The following DCTN4 variants were observed in gnomAD, a reference collection of about 807,000 sequenced individuals.
The protein encoded by DCTN4 is dynactin subunit 4.
In DCTN4, 23 loss-of-function variants were observed where a neutral mutation model predicts 62.7. The observed-to-expected ratio is 0.37, with a 90% CI of 0.26 to 0.52. The LOEUF (loss-of-function observed/expected upper bound fraction) is 0.52. Among genes scored for constraint, DCTN4 ranks in the 20% least tolerant of loss-of-function variants. DCTN4 has a pLI of 0.92. For synonymous variants in DCTN4, 199 were observed against 202.1 expected (o/e 0.98, Z 0.13); for missense variants, 514 against 580.4 (o/e 0.89, Z 1.18).
chr5:150,756,240 G>A (rs898238652), intron 2 of DCTN4, among the ~76,000 whole-genome samples, 177 bp downstream of exon 2: 13 of 151,750 alleles, frequency 8.6e-5, no homozygotes, highest in Admixed American at 3.3e-4. Flanking sequence ...ATGGGGTTTC[G>A]CCATGTTAGC....
chr5:150,716,512 T>C (rs953554112), intron 11 of DCTN4, among the ~76,000 whole-genome samples: 1 of 152,166 alleles, frequency 6.6e-6, no homozygotes, highest in Non-Finnish European at 1.5e-5. Flanking sequence ...TTTCTAATTA[T>C]AGATACAAAT....
intron 1 of DCTN4, chr5:150,758,278 C>G: frequency 1.0e-6 from 1 of 985,636 alleles, no homozygotes; most frequent in Non-Finnish European, 1.2e-6. Context: ...TGTCCTCTAG[C>G]TCCATAAATA....
intron 11 of DCTN4, among the ~76,000 whole-genome samples, chr5:150,718,015 GA>G (rs1378976514): frequency 1.4e-4 from 21 of 152,208 alleles, no homozygotes; most frequent in Non-Finnish European, 1.5e-5. Flanking sequence ...CAAGAGAGAA[GA>G]AATGGGTTGA....
At position 150,758,994 on chromosome 5, in the gene DCTN4, C is replaced by A; in HGVS notation, c.-1G>T. The A allele has an allele frequency of 6.2e-7, 1 of 1,613,744 alleles. No homozygotes were observed. Among genetic ancestry groups the A allele is most frequent in the Non-Finnish European group, 8.5e-7 (1 of 1,179,706 alleles). On this transcript the variant is annotated 5_prime_UTR_variant, in exon 1 of 13. Transcript: ENST00000447998. ...GGTCCGACTGCAGCAAGGACGCCAT[C>A]TTGGGGAGGGAGGAGGCGATGACGC...
At chr5:150,754,072 T>C (rs1342955417) in intron 2 of DCTN4, among the ~76,000 whole-genome samples, 1 of 152,244 alleles carries the variant, frequency 6.6e-6, no homozygotes, top group Non-Finnish European at 1.5e-5. Flanking sequence ...AATAACCGAC[T>C]GCTGTGCCAG....
At chr5:150,730,603 T>C (rs1416352963) in intron 8 of DCTN4, 28 bp downstream of exon 8, 4 of 1,591,476 alleles carry the variant, frequency 2.5e-6, no homozygotes, top group East Asian at 2.2e-5. Context: ...CTTGTACAAA[T>C]GGTCAGTCTA....
At chr5:150,720,655 T>C (rs991300246) in intron 9 of DCTN4, among the ~76,000 whole-genome samples, 3 of 152,072 alleles carry the variant, frequency 2.0e-5, no homozygotes, top group African/African-American at 7.2e-5. Flanking sequence ...ATTTTTGATT[T>C]TTTGTACAGA....
At chr5:150,716,782 G>A (rs35471773) in intron 11 of DCTN4, among the ~76,000 whole-genome samples, 1,910 of 152,154 alleles carry the variant, frequency 0.013, 12 homozygotes, top group Non-Finnish European at 0.02. Flanking sequence ...AGCCGGGCGT[G>A]GTGGCAGGCG....
At chr5:150,718,729 A>T (rs978824977) in intron 10 of DCTN4, among the ~76,000 whole-genome samples, 1 of 152,200 alleles carries the variant, frequency 6.6e-6, no homozygotes, top group African/African-American at 2.4e-5. Context: ...GGCCCTCATA[A>T]ATAAAATATG....
chr5:150,742,086 C>T (rs183776484), intron 4 of DCTN4, 28 bp downstream of exon 4: 115 of 1,610,116 alleles, frequency 7.1e-5, no homozygotes, highest in East Asian at 6.9e-4. Context: ...CCGATTTCAT[C>T]CTCTCTCTCT....
At chr5:150,731,290 TTTCTAAGTATGAGAATC>T (rs1231063422) in intron 6 of DCTN4, 109 bp downstream of exon 6, 1 of 1,022,966 alleles carries the variant, frequency 9.8e-7, no homozygotes, top group East Asian at 2.5e-5. Context: ...GCGTAGGTCT[TTTCTAAGTATGAGAATC>T]TTCTTTTCCA....
At position 150,731,129 on chromosome 5, in the gene DCTN4, C is replaced by G; in HGVS notation, c.639G>C (p.Glu213Asp). The G allele has an allele frequency of 6.2e-7, 1 of 1,612,490 alleles. No individual in the cohort carries two copies. Among genetic ancestry groups the G allele is most frequent in the Non-Finnish European group, 8.5e-7 (1 of 1,178,546 alleles). Residue 213 changes from glutamate to aspartate, a missense_variant, in exon 7 of 13, where the codon GAG becomes GAC. Transcript: ENST00000447998. ...CAGCCTGAGCTGGCTCAATCTTTAT[C>G]TCTTTCTGATCCTCTCCTTCTTTAA... ...LSLKEGEDQK[E>D]IKIEPAQAVD...
chr5:150,738,864 G>C (rs1350478046), intron 4 of DCTN4, among the ~76,000 whole-genome samples: 1 of 152,070 alleles, frequency 6.6e-6, no homozygotes, highest in Non-Finnish European at 1.5e-5. Flanking sequence ...GAAAACCCTA[G>C]AGACTTATCC....
At chr5:150,714,696 G>A (rs921166416) in intron 12 of DCTN4, among the ~76,000 whole-genome samples, 3 of 152,022 alleles carry the variant, frequency 2.0e-5, no homozygotes, top group African/African-American at 7.3e-5. Context: ...CTTTACCCAG[G>A]AGGAAGTGGC....
chr5:150,752,467 C>T (rs1752711176), intron 3 of DCTN4, among the ~76,000 whole-genome samples: 1 of 152,082 alleles, frequency 6.6e-6, no homozygotes, highest in African/African-American at 2.4e-5. Flanking sequence ...CCAGGACAGA[C>T]ATTTGGACAT....
At chr5:150,758,642 G>C (rs1752950253) in intron 1 of DCTN4, 8 of 1,235,636 alleles carry the variant, frequency 6.5e-6, no homozygotes, top group Non-Finnish European at 8.5e-6. Flanking sequence ...ATCAGAGGCC[G>C]CTCTAGAACC....
chr5:150,725,156 T>TC (rs1760096813), intron 8 of DCTN4, among the ~76,000 whole-genome samples: 1 of 81,218 alleles, frequency 1.2e-5, no homozygotes. Context: ...AGACTCCGTC[T>TC]CAAAAAAAAA....
chr5:150,725,418 C>T (rs1760107935), intron 8 of DCTN4, among the ~76,000 whole-genome samples: 1 of 151,710 alleles, frequency 6.6e-6, no homozygotes, highest in Admixed American at 6.6e-5. Context: ...ATTTCCATTA[C>T]TAATCTTTTT....
At chr5:150,716,009 A>G (rs2151468630) in intron 11 of DCTN4, among the ~76,000 whole-genome samples, 1 of 152,206 alleles carries the variant, frequency 6.6e-6, no homozygotes, top group South Asian at 2.1e-4. Flanking sequence ...GGTTCAAGCG[A>G]TTCTCCTGAC....
Sources: allele counts gnomAD v4.1 joint callset (sites outside exome capture counted in the v4.1 genomes callset), GRCh38; gene constraint gnomAD v4.1.1; transcripts MANE v1.5; gene names NCBI Gene and HGNC (gene_info 2026-07-23, HGNC 2026-07-21).